SEMA3D: variants seen among roughly 807,000 people sequenced by gnomAD.
The protein encoded by SEMA3D is semaphorin 3D.
SEMA3D carries 84 observed loss-of-function variants against 100.1 expected under a neutral mutation model. The observed-to-expected ratio is 0.84, with a 90% confidence interval of 0.70 to 1.01. The LOEUF (loss-of-function observed/expected upper bound fraction) is 1.01. Ranked by LOEUF, SEMA3D falls within the 50% of genes least tolerant of loss-of-function variation. The pLI is 0.00. For synonymous variants in SEMA3D, 312 were observed against 320.7 expected (o/e 0.97, Z 0.29); for missense variants, 875 against 934.1 (o/e 0.94, Z 0.82).
At chr7:85,218,300 T>A in the SEMA3D span, among the ~76,000 whole-genome samples, 1 of 152,100 alleles carries the variant, frequency 6.6e-6, no homozygotes, top group East Asian at 1.9e-4. Flanking sequence ...TTTATTTAAG[T>A]GATGGACATG....
In SEMA3D at chr7:85,100,816, G is replaced by GT. The variant is rs952235156; in HGVS notation, c.152-2852dup. On this transcript the variant is annotated intron_variant, in intron 3 of 18. Transcript: ENST00000284136. ...AGTTTCTAAGCTGGGTTTTATCTTA[G>GT]TTTTTTACAAAGCAAAAGGCAGTAT... Among the ~76,000 whole-genome samples, 27 of 151,652 alleles carry GT rather than the reference G, an allele frequency of 1.8e-4. 3 individuals are homozygous for GT. The highest frequency in any genetic ancestry group is 6.3e-4 in the African/African-American group (26 of 41,406).
chr7:85,092,072 C>T (rs73377895), intron 4 of SEMA3D, among the ~76,000 whole-genome samples: 5,870 of 152,080 alleles, frequency 0.039, 357 homozygotes, highest in African/African-American at 0.13. Flanking sequence ...AACTGAACAA[C>T]AAGGAAACAA....
intron 12 of SEMA3D, chr7:85,028,076 C>G: frequency 1.6e-6 from 1 of 610,664 alleles, no homozygotes; most frequent in East Asian, 3.4e-5. Context: ...ATGCCATTGT[C>G]CAGTTTGATA....
chr7:85,017,912 C>T (rs1049155349), intron 15 of SEMA3D, among the ~76,000 whole-genome samples: 3 of 151,658 alleles, frequency 2.0e-5, no homozygotes, highest in Admixed American at 6.6e-5. Flanking sequence ...AACTCCTAGA[C>T]CCCCAGATTA....
At chr7:85,126,375 C>CGTGT (rs34641872) in intron 2 of SEMA3D, among the ~76,000 whole-genome samples, 131 of 130,936 alleles carry the variant, frequency 1.0e-3, no homozygotes, top group South Asian at 5.0e-3. Flanking sequence ...GATTCTTTCT[C>CGTGT]GTGTGTGTGT....
intron 5 of SEMA3D, among the ~76,000 whole-genome samples, chr7:85,075,055 A>G (rs1340892715): frequency 2.6e-5 from 4 of 152,200 alleles, no homozygotes; most frequent in Admixed American, 2.6e-4. Flanking sequence ...TTTATAATCC[A>G]GCCTTTGCGC....
intron 12 of SEMA3D, among the ~76,000 whole-genome samples, chr7:85,023,995 T>C (rs949245804): frequency 5.3e-5 from 8 of 151,980 alleles, no homozygotes; most frequent in Admixed American, 3.3e-4. Context: ...CCTAGAATAT[T>C]ATCCACTTTG....
chr7:85,074,513 C>T (rs1323053033), intron 5 of SEMA3D, among the ~76,000 whole-genome samples: 5 of 151,860 alleles, frequency 3.3e-5, no homozygotes, highest in Non-Finnish European at 5.9e-5. Flanking sequence ...TTATTCCTTA[C>T]CCTGATTTTG....
At chr7:85,129,154 G>A (rs1789653391) in intron 2 of SEMA3D, among the ~76,000 whole-genome samples, 1 of 151,776 alleles carries the variant, frequency 6.6e-6, no homozygotes, top group Admixed American at 6.6e-5. Flanking sequence ...ACCTCCCAAA[G>A]TATTGGGATT....
intron 8 of SEMA3D, among the ~76,000 whole-genome samples, chr7:85,058,061 T>C (rs1226612510): frequency 6.6e-6 from 1 of 152,222 alleles, no homozygotes; most frequent in South Asian, 2.1e-4. Context: ...AATGCAAAGC[T>C]TTGAAAGGAA....
chr7:85,139,186 C>T (rs565544530), intron 2 of SEMA3D, among the ~76,000 whole-genome samples: 1 of 151,934 alleles, frequency 6.6e-6, no homozygotes, highest in South Asian at 2.1e-4. Context: ...CTGGTAAAAT[C>T]TACTTGTGGA....
intron 3 of SEMA3D, among the ~76,000 whole-genome samples, chr7:85,107,797 T>TAA (rs1441495059): frequency 1.3e-5 from 2 of 152,054 alleles, no homozygotes; most frequent in Non-Finnish European, 2.9e-5. Context: ...TAAAGCCTTA[T>TAA]AGATTTTATC....
chr7:85,134,831 A>G (rs907625562), intron 2 of SEMA3D, among the ~76,000 whole-genome samples: 1 of 152,018 alleles, frequency 6.6e-6, no homozygotes, highest in African/African-American at 2.4e-5. Context: ...AAAAACTCAA[A>G]AACTTTGTGT....
At chr7:85,149,483 A>T (rs1790304162) in intron 2 of SEMA3D, among the ~76,000 whole-genome samples, 1 of 151,986 alleles carries the variant, frequency 6.6e-6, no homozygotes, top group Non-Finnish European at 1.5e-5. Context: ...GAAAACAAAC[A>T]AACAAACAAA....
At chr7:85,013,987 T>A (rs1790028848) in intron 16 of SEMA3D, among the ~76,000 whole-genome samples, 1 of 151,738 alleles carries the variant, frequency 6.6e-6, no homozygotes, top group East Asian at 1.9e-4. Flanking sequence ...CATAACAAAA[T>A]GTGGGTGACT....
chr7:85,179,879 T>A (rs1791351350), intron 1 of SEMA3D, among the ~76,000 whole-genome samples: 1 of 152,254 alleles, frequency 6.6e-6, no homozygotes, highest in Admixed American at 6.5e-5. Flanking sequence ...GCCAAGATGG[T>A]CTTGATCTCC....
intron 1 of SEMA3D, among the ~76,000 whole-genome samples, chr7:85,158,175 G>A (rs1790650415): frequency 6.6e-6 from 1 of 152,166 alleles, no homozygotes; most frequent in South Asian, 2.1e-4. Flanking sequence ...CAGGATAACA[G>A]CAGTGTTCAG....
At chr7:85,112,788 T>C (rs1000378313) in intron 3 of SEMA3D, among the ~76,000 whole-genome samples, 2 of 152,222 alleles carry the variant, frequency 1.3e-5, no homozygotes, top group Non-Finnish European at 2.9e-5. Flanking sequence ...TGATAGCACT[T>C]AGCACTGTCT....
the SEMA3D span, among the ~76,000 whole-genome samples, chr7:85,250,234 C>T: frequency 7.3e-6 from 1 of 136,898 alleles, no homozygotes; most frequent in African/African-American, 2.7e-5. Context: ...CGGAGTCTTG[C>T]TGATTGCCAG....
Sources: gnomAD v4.1 joint callset for allele counts (sites outside exome capture counted in the v4.1 genomes callset) on GRCh38, gnomAD v4.1.1 for gene constraint, MANE v1.5 for transcripts, NCBI Gene and HGNC (gene_info 2026-07-23, HGNC 2026-07-21) for gene names.